The following LNX1 variants were observed in gnomAD, a reference collection of about 807,000 sequenced individuals.
The protein encoded by LNX1 is E3 ubiquitin-protein ligase LNX.
A neutral mutation model predicts 68.4 loss-of-function variants in LNX1; 54 were observed. That is an observed-to-expected ratio of 0.79 (90% CI 0.63 to 0.99). LNX1 has a LOEUF of 0.99. Among genes scored for constraint, LNX1 ranks in the 50% least tolerant of loss-of-function variants. The pLI is 0.00. For missense variants in LNX1, 906 were observed against 926.4 expected (o/e 0.98, Z 0.29); for synonymous variants, 336 against 350.0 (o/e 0.96, Z 0.45).
upstream of LNX1, chr4:53,593,711 A>G (rs1732618391): frequency 6.6e-6 from 1 of 152,150 alleles, no homozygotes; most frequent in Non-Finnish European, 1.5e-5. Flanking sequence ...TTATCATGGA[A>G]ATTATATTTC....
chr4:53,526,594 T>C (rs755015911), intron 2 of LNX1, among the ~76,000 whole-genome samples: 18 of 151,752 alleles, frequency 1.2e-4, no homozygotes, highest in Non-Finnish European at 2.1e-4. Flanking sequence ...TGGAAGTAAA[T>C]AGCCCCTATC....
chr4:53,566,122 C>T (rs549781695), intron 2 of LNX1, among the ~76,000 whole-genome samples: 180 of 151,856 alleles, frequency 1.2e-3, no homozygotes, highest in African/African-American at 4.0e-3. Flanking sequence ...GGCAGGCCAA[C>T]GTTCAGATTC....
At chr4:53,488,570 C>T (rs138193792) in intron 6 of LNX1, among the ~76,000 whole-genome samples, 5 of 152,292 alleles carry the variant, frequency 3.3e-5, no homozygotes, top group Non-Finnish European at 7.3e-5. Context: ...ACCAGCTGCA[C>T]TGAGGACCTC....
chr4:53,564,883 T>G (rs1730546273), intron 2 of LNX1, among the ~76,000 whole-genome samples: 1 of 151,920 alleles, frequency 6.6e-6, no homozygotes, highest in South Asian at 2.1e-4. Context: ...AAGAAAGGGG[T>G]GACAGACAGC....
At chr4:53,478,230 C>T (rs1310145803) in intron 8 of LNX1, among the ~76,000 whole-genome samples, 1 of 152,098 alleles carries the variant, frequency 6.6e-6, no homozygotes, top group Non-Finnish European at 1.5e-5. Flanking sequence ...AATTCCACCA[C>T]CGGATCAACC....
At chr4:53,481,305 A>G (rs554383514) in intron 7 of LNX1, among the ~76,000 whole-genome samples, 65 of 152,370 alleles carry the variant, frequency 4.3e-4, no homozygotes, top group Middle Eastern at 3.4e-3. Context: ...AACACAAACA[A>G]AAACTAAAAG....
chr4:53,617,428 T>C (rs1455798156), exon 1 of LNX1: 1 of 152,186 alleles, frequency 6.6e-6, no homozygotes, highest in African/African-American at 2.4e-5. Context: ...TTTAAGATGA[T>C]CAAAACTGAT....
chr4:53,584,580 A>T (rs1209679613), intron 1 of LNX1, among the ~76,000 whole-genome samples: 2 of 152,222 alleles, frequency 1.3e-5, no homozygotes, highest in African/African-American at 2.4e-5. Context: ...GATCTGGACA[A>T]GTGGGAAGTA....
At chr4:53,555,858 T>C (rs1364850570) in intron 2 of LNX1, among the ~76,000 whole-genome samples, 1 of 152,260 alleles carries the variant, frequency 6.6e-6, no homozygotes, top group African/African-American at 2.4e-5. Context: ...GCAAAAATGT[T>C]GCCTTTGATT....
intron 2 of LNX1, among the ~76,000 whole-genome samples, chr4:53,542,504 T>C (rs1303673952): frequency 2.0e-5 from 3 of 152,176 alleles, no homozygotes; most frequent in Non-Finnish European, 2.9e-5. Context: ...CACCATCACA[T>C]TGATCTGAAT....
At chr4:53,643,733 G>A (rs576998309) in intron 1 of LNX1, among the ~76,000 whole-genome samples, 36 of 152,288 alleles carry the variant, frequency 2.4e-4, no homozygotes, top group Admixed American at 2.6e-4. Context: ...ACCTTGGGCA[G>A]CTTGCTAAAG....
At chr4:53,583,972 A>G (rs11727886) in intron 1 of LNX1, among the ~76,000 whole-genome samples, 16,645 of 144,616 alleles carry the variant, frequency 0.12, 1,266 homozygotes, top group Non-Finnish European at 0.17. Context: ...CAACAACAAC[A>G]ACGACAAATG....
At chr4:53,624,223 T>C (rs1234685254) in intron 1 of LNX1, among the ~76,000 whole-genome samples, 1 of 152,228 alleles carries the variant, frequency 6.6e-6, no homozygotes, top group Non-Finnish European at 1.5e-5. Flanking sequence ...TTATGTGATT[T>C]GGCTGTGTCC....
intron 2 of LNX1, among the ~76,000 whole-genome samples, chr4:53,615,107 C>A (rs1358724091): frequency 6.6e-6 from 1 of 152,066 alleles, no homozygotes; most frequent in East Asian, 1.9e-4. Context: ...ATTACACATG[C>A]CCCACAGGAG....
rs779369075 is a variant in LNX1, at chr4:53,459,432, G to T, written c.*1475C>A. 1.1e-5 allele frequency: 17 copies of T among 1,612,650 alleles called. No homozygotes were observed. The African/African-American group carries it at 1.9e-4, about 18-fold the overall frequency. On this transcript the variant is annotated 3_prime_UTR_variant, in exon 11 of 11. Coordinates refer to ENST00000263925, the MANE Select transcript of LNX1 (RefSeq NM_001126328.3). Reference sequence around the variant, plus strand: ...TGCCCCTGAACAGGAGAGCACCGAAGCTACACCTGCAGAATAGGCATGGTT... The same window carrying T: ...TGCCCCTGAACAGGAGAGCACCGAATCTACACCTGCAGAATAGGCATGGTT...
At chr4:53,507,509 A>C in intron 3 of LNX1, 40 bp from the exon 4 acceptor site, 1 of 1,592,490 alleles carries the variant, frequency 6.3e-7, no homozygotes, top group Non-Finnish European at 8.6e-7. Context: ...TTATGATTTA[A>C]TAGAAATAAT....
intron 2 of LNX1, among the ~76,000 whole-genome samples, chr4:53,557,528 T>C (rs4864793): frequency 0.011 from 1,724 of 152,068 alleles, 29 homozygotes; most frequent in African/African-American, 0.039. Flanking sequence ...GCAGCAGATC[T>C]ATGCATACAA....
chr4:53,527,743 A>G (rs1315244210), intron 2 of LNX1, among the ~76,000 whole-genome samples: 2 of 152,188 alleles, frequency 1.3e-5, no homozygotes, highest in East Asian at 1.9e-4. Flanking sequence ...AGAGTGCAAC[A>G]GTGAGCCTCA....
At position 53,493,725 on chromosome 4, in the gene LNX1, C is replaced by T. The variant is rs545255677; in HGVS notation, c.1350+2298G>A. On this transcript the variant is annotated intron_variant, in intron 6 of 10. Coordinates refer to ENST00000263925, the MANE Select transcript of LNX1 (RefSeq NM_001126328.3). ...GTGCAGGGCTAGTCAGTTACTGCTG[C>T]TGACTTACTGCCTATTCTCAAAGTA... Among the ~76,000 whole-genome samples, 234 of 152,340 alleles carry T rather than the reference C, an allele frequency of 1.5e-3. 3 individuals carry two copies. The highest frequency in any genetic ancestry group is 6.8e-3 in the Middle Eastern group (2 of 294).
Sources: gnomAD v4.1 joint callset for allele counts (sites outside exome capture counted in the v4.1 genomes callset) on GRCh38, gnomAD v4.1.1 for gene constraint, MANE v1.5 for transcripts, NCBI Gene and HGNC (gene_info 2026-07-23, HGNC 2026-07-21) for gene names.